The following RSU1 variants were observed in gnomAD, a reference collection of about 807,000 sequenced individuals.
RSU1 encodes the protein rsu-1.
In RSU1, 26 loss-of-function variants were observed where a neutral mutation model predicts 31.1. The ratio of observed to expected loss-of-function variants is 0.84; its 90% CI spans 0.61 to 1.16. The LOEUF (loss-of-function observed/expected upper bound fraction) is 1.16, where lower values mean the gene tolerates loss of function less well. Ranked by LOEUF, RSU1 falls within the 50% of genes most tolerant of loss-of-function variation. The pLI, the probability that RSU1 is intolerant of heterozygous loss-of-function variation, is 0.00. For missense variants in RSU1, 320 were observed against 339.1 expected (o/e 0.94, Z 0.44); for synonymous variants, 164 against 136.3 (o/e 1.20, Z -1.41).
chr10:16,752,293 C>T (rs1836994657), intron 7 of RSU1, among the ~76,000 whole-genome samples: 1 of 152,048 alleles, frequency 6.6e-6, no homozygotes, highest in Admixed American at 6.6e-5. Flanking sequence ...GGGAGCTGAG[C>T]GGGGTCATCT....
intron 7 of RSU1, chr10:16,727,159 T>C (rs1171808745): frequency 2.2e-6 from 1 of 456,486 alleles, no homozygotes; most frequent in East Asian, 7.0e-5. Flanking sequence ...CCATCTTACC[T>C]ATAGTGACAG....
intron 7 of RSU1, chr10:16,748,359 T>G (rs1836901432): frequency 6.6e-6 from 1 of 152,186 alleles, no homozygotes; most frequent in South Asian, 2.1e-4. Context: ...AGCCTCTTGC[T>G]TCTGTCACCA....
At chr10:16,678,732 G>T (rs1362960493) in intron 8 of RSU1, among the ~76,000 whole-genome samples, 6 of 152,160 alleles carry the variant, frequency 3.9e-5, no homozygotes, top group Non-Finnish European at 8.8e-5. Context: ...GATAAAGAGT[G>T]AAGAGGATGT....
chr10:16,682,274 CT>C (rs1256584245), intron 8 of RSU1, among the ~76,000 whole-genome samples: 4 of 152,106 alleles, frequency 2.6e-5, no homozygotes, highest in Non-Finnish European at 5.9e-5. Context: ...AGGCTGGGAC[CT>C]GCTGGGCTGC....
intron 8 of RSU1, among the ~76,000 whole-genome samples, chr10:16,642,933 C>T (rs768550388): frequency 2.0e-5 from 3 of 152,104 alleles, no homozygotes; most frequent in Non-Finnish European, 4.4e-5. Flanking sequence ...ACTACCAATG[C>T]TTATAATTAA....
intron 8 of RSU1, among the ~76,000 whole-genome samples, chr10:16,597,738 T>C (rs1453496187): frequency 6.6e-6 from 1 of 152,250 alleles, no homozygotes; most frequent in African/African-American, 2.4e-5. Flanking sequence ...GGGTATTTTC[T>C]ATCAACACTA....
rs139345254 is a variant in RSU1 at position 16,701,838 on chromosome 10, C to G, written c.599-6683G>C. 2.1e-3 allele frequency among the ~76,000 whole-genome samples: 321 copies of G among 152,292 alleles called. 1 individual carries two copies. The highest frequency in any genetic ancestry group is 7.3e-3 in the African/African-American group (302 of 41,550). On this transcript the variant is annotated intron_variant, in intron 7 of 8. Coordinates refer to ENST00000345264, the MANE Select transcript of RSU1 (RefSeq NM_012425.4). ...GTTAAGAAGGGATAGAAGAAGCTCT[C>G]AGTTGCTTATAAATATAATTAACCA...
intron 8 of RSU1, among the ~76,000 whole-genome samples, chr10:16,614,248 T>C (rs926902350): frequency 1.3e-5 from 2 of 152,162 alleles, no homozygotes; most frequent in African/African-American, 2.4e-5. Context: ...GAAAATGTTG[T>C]AGATGTTAAA....
chr10:16,809,397 G>A (rs184157183), intron 2 of RSU1, among the ~76,000 whole-genome samples: 122 of 152,228 alleles, frequency 8.0e-4, no homozygotes, highest in Non-Finnish European at 1.5e-3. Flanking sequence ...TCTACCCAAA[G>A]ACAGAACCTG....
intron 8 of RSU1, among the ~76,000 whole-genome samples, chr10:16,665,135 G>C (rs1360766021): frequency 1.3e-5 from 2 of 151,936 alleles, no homozygotes; most frequent in Non-Finnish European, 2.9e-5. Flanking sequence ...GTAGAGATGG[G>C]GTTTCGTCAT....
At chr10:16,678,204 C>T (rs1835267770) in intron 8 of RSU1, among the ~76,000 whole-genome samples, 4 of 152,158 alleles carry the variant, frequency 2.6e-5, no homozygotes, top group Non-Finnish European at 4.4e-5. Context: ...CATTTTCTTG[C>T]TTTTTCTTTA....
intron 2 of RSU1, among the ~76,000 whole-genome samples, chr10:16,799,189 T>A (rs946287210): frequency 6.6e-6 from 1 of 152,242 alleles, no homozygotes; most frequent in Admixed American, 6.5e-5. Flanking sequence ...CAGGGAGCCG[T>A]ATTTCCAAAA....
intron 8 of RSU1, among the ~76,000 whole-genome samples, chr10:16,672,022 GAC>G (rs1467654204): frequency 6.6e-6 from 1 of 151,326 alleles, no homozygotes; most frequent in Admixed American, 6.6e-5. Context: ...AATCTGGCCA[GAC>G]GCGGTGGCTC....
intron 8 of RSU1, among the ~76,000 whole-genome samples, chr10:16,637,275 C>G (rs1419761040): frequency 1.3e-5 from 2 of 152,112 alleles, no homozygotes; most frequent in African/African-American, 4.8e-5. Flanking sequence ...CATGAACATG[C>G]CACTGTGAGT....
chr10:16,785,288 C>T (rs568515659), intron 2 of RSU1, among the ~76,000 whole-genome samples: 3 of 152,034 alleles, frequency 2.0e-5, no homozygotes, highest in African/African-American at 7.2e-5. Flanking sequence ...AAGTTCTTCA[C>T]CTTTGGAACT....
chr10:16,606,188 A>C (rs917788556), intron 8 of RSU1, among the ~76,000 whole-genome samples: 1 of 152,192 alleles, frequency 6.6e-6, no homozygotes, highest in Non-Finnish European at 1.5e-5. Flanking sequence ...GATTCTACTA[A>C]ATTCCTTTAA....
chr10:16,664,673 G>C (rs543897505), intron 8 of RSU1, among the ~76,000 whole-genome samples: 30 of 152,264 alleles, frequency 2.0e-4, no homozygotes, highest in Admixed American at 5.2e-4. Context: ...CATTAAACTA[G>C]ATTATCTGAG....
intron 8 of RSU1, among the ~76,000 whole-genome samples, chr10:16,646,355 C>G (rs1457421373): frequency 1.3e-5 from 2 of 152,158 alleles, no homozygotes; most frequent in African/African-American, 4.8e-5. Flanking sequence ...CCCCTGCTCA[C>G]TATCCGTACA....
At chr10:16,807,065 G>A (rs1006522067) in intron 2 of RSU1, among the ~76,000 whole-genome samples, 1 of 152,196 alleles carries the variant, frequency 6.6e-6, no homozygotes, top group Admixed American at 6.5e-5. Context: ...GATTACAGCA[G>A]GCATGAGCCA....
Sources: allele counts gnomAD v4.1 joint callset (sites outside exome capture counted in the v4.1 genomes callset), GRCh38; gene constraint gnomAD v4.1.1; transcripts MANE v1.5; gene names NCBI Gene and HGNC (gene_info 2026-07-23, HGNC 2026-07-21).